Variants in CDK19 observed in about 807,000 individuals in gnomAD.
CDK19 encodes cyclin-dependent kinase 19.
Under a neutral mutation model 68.3 loss-of-function variants are expected in CDK19, and 20 were observed. The observed-to-expected ratio is 0.29, with a 90% confidence interval of 0.21 to 0.43. The LOEUF (loss-of-function observed/expected upper bound fraction) is 0.43. Among genes scored for constraint, CDK19 ranks in the 20% least tolerant of loss-of-function variants. The probability of loss-of-function intolerance (pLI) is 1.00; values close to 1 mark genes in which losing one functional copy is unlikely to be tolerated. For missense variants in CDK19, 339 were observed against 623.5 expected (o/e 0.54, Z 4.86); for synonymous variants, 221 against 222.8 (o/e 0.99, Z 0.07).
chr6:110,696,627 G>A (rs1773507424), intron 2 of CDK19, among the ~76,000 whole-genome samples: 3 of 152,174 alleles, frequency 2.0e-5, no homozygotes, highest in Admixed American at 1.3e-4. Flanking sequence ...TCCCAGATCT[G>A]ATAAATTCAC....
chr6:110,771,556 T>C (rs1780015572), intron 1 of CDK19, among the ~76,000 whole-genome samples: 1 of 152,192 alleles, frequency 6.6e-6, no homozygotes, highest in Non-Finnish European at 1.5e-5. Flanking sequence ...TGAAGATCTC[T>C]GACATGCTCT....
chr6:110,651,292 CTGT>C (rs1337598831), intron 4 of CDK19, among the ~76,000 whole-genome samples: 7 of 151,484 alleles, frequency 4.6e-5, no homozygotes, highest in African/African-American at 9.8e-5. Context: ...ATGTATCTGT[CTGT>C]CTAACTATCT....
intron 2 of CDK19, among the ~76,000 whole-genome samples, chr6:110,735,544 T>C (rs1777186308): frequency 6.6e-6 from 1 of 152,190 alleles, no homozygotes; most frequent in Admixed American, 6.6e-5. Flanking sequence ...TCCCCCATTT[T>C]AGACATGAAG....
chr6:110,803,576 TCAGAAAA>T (rs974118515), intron 1 of CDK19, among the ~76,000 whole-genome samples: 8 of 152,198 alleles, frequency 5.3e-5, no homozygotes, highest in African/African-American at 1.9e-4. Context: ...ATAAAACCTT[TCAGAAAA>T]CAGAAAAGTC....
intron 12 of CDK19, among the ~76,000 whole-genome samples, chr6:110,616,885 A>G (rs1778347330): frequency 6.6e-6 from 1 of 152,222 alleles, no homozygotes; most frequent in Admixed American, 6.5e-5. Flanking sequence ...ATGTGCTGTA[A>G]CATAGCTTTT....
chr6:110,806,420 T>C (rs1782689285), intron 1 of CDK19, among the ~76,000 whole-genome samples: 1 of 152,150 alleles, frequency 6.6e-6, no homozygotes, highest in Non-Finnish European at 1.5e-5. Flanking sequence ...AGTCTTCAGA[T>C]ATTTCTATCT....
chr6:110,665,704 A>G (rs1781879827), intron 4 of CDK19, among the ~76,000 whole-genome samples: 1 of 152,230 alleles, frequency 6.6e-6, no homozygotes, highest in Admixed American at 6.5e-5. Context: ...CGTTTATGAA[A>G]GAGTTCTTCT....
rs117240399 is a variant in CDK19, at chr6:110,707,990, T to C, written c.205-37449A>G. Among the ~76,000 whole-genome samples the C allele has an allele frequency of 2.4e-3, 369 of 152,160 alleles. 21 individuals are homozygous for C. In the East Asian group the frequency reaches 0.065, roughly 27 times the overall value. On this transcript the variant is annotated intron_variant, in intron 2 of 12. Coordinates refer to ENST00000368911, the MANE Select transcript of CDK19 (RefSeq NM_015076.5). The stretch of plus-strand genomic sequence containing the variant: ...ATGACTCAAAAATAAATAAATAGTA[T>C]GTTTATGTTACTCTAATATTATAGT...
chr6:110,626,981 T>A (rs2114668811), intron 7 of CDK19, 21 bp downstream of exon 7: 1 of 1,590,400 alleles, frequency 6.3e-7, no homozygotes, highest in South Asian at 1.2e-5. Flanking sequence ...AAATATGACT[T>A]TAAAAAGGAA....
intron 2 of CDK19, among the ~76,000 whole-genome samples, chr6:110,723,633 C>T (rs1776107980): frequency 6.6e-6 from 1 of 152,270 alleles, no homozygotes; most frequent in African/African-American, 2.4e-5. Flanking sequence ...CTTGTGTCCA[C>T]CACCAAAAGT....
At chr6:110,665,604 T>C (rs1360943128) in intron 4 of CDK19, among the ~76,000 whole-genome samples, 1 of 152,232 alleles carries the variant, frequency 6.6e-6, no homozygotes, top group Non-Finnish European at 1.5e-5. Flanking sequence ...AATAAAAGAT[T>C]CTGATCAATG....
chr6:110,782,176 G>A (rs952686326), intron 1 of CDK19, among the ~76,000 whole-genome samples: 12 of 152,170 alleles, frequency 7.9e-5, no homozygotes, highest in African/African-American at 2.7e-4. Context: ...AACACAGGAG[G>A]AAAATAAGAA....
At chr6:110,752,320 AT>A (rs1255010277) in intron 1 of CDK19, among the ~76,000 whole-genome samples, 1 of 152,214 alleles carries the variant, frequency 6.6e-6, no homozygotes, top group African/African-American at 2.4e-5. Context: ...TTTCTTAATT[AT>A]TTTGAAACAA....
At chr6:110,670,129 C>A (rs547449877) in intron 3 of CDK19, among the ~76,000 whole-genome samples, 1 of 152,184 alleles carries the variant, frequency 6.6e-6, no homozygotes, top group East Asian at 1.9e-4. Context: ...TGCACTCCAG[C>A]CTGGGCAACA....
chr6:110,786,160 A>C (rs1781209713), intron 1 of CDK19, among the ~76,000 whole-genome samples: 1 of 152,162 alleles, frequency 6.6e-6, no homozygotes, highest in Non-Finnish European at 1.5e-5. Context: ...AAGCAGCCTA[A>C]ATAATCAGAA....
chr6:110,736,584 G>A (rs1777269772), intron 2 of CDK19, among the ~76,000 whole-genome samples: 1 of 151,944 alleles, frequency 6.6e-6, no homozygotes, highest in African/African-American at 2.4e-5. Flanking sequence ...GAATTACTAA[G>A]TTTATGTTAA....
chr6:110,680,434 A>G (rs997433303), intron 2 of CDK19, among the ~76,000 whole-genome samples: 12 of 152,224 alleles, frequency 7.9e-5, no homozygotes, highest in African/African-American at 2.4e-4. Context: ...GTCCAAGGCC[A>G]GTTTACTAAG....
chr6:110,709,313 G>A (rs937070849), intron 2 of CDK19, among the ~76,000 whole-genome samples: 4 of 152,062 alleles, frequency 2.6e-5, no homozygotes, highest in African/African-American at 9.7e-5. Flanking sequence ...GTGATATACA[G>A]ATGAATGGAA....
intron 1 of CDK19, among the ~76,000 whole-genome samples, chr6:110,750,419 G>C (rs1778397903): frequency 6.6e-6 from 1 of 152,094 alleles, no homozygotes; most frequent in Admixed American, 6.5e-5. Flanking sequence ...GAGAAAAGAA[G>C]GGACACCTGT....
Sources: gnomAD v4.1 joint callset for allele counts (sites outside exome capture counted in the v4.1 genomes callset) on GRCh38, gnomAD v4.1.1 for gene constraint, MANE v1.5 for transcripts, NCBI Gene and HGNC (gene_info 2026-07-23, HGNC 2026-07-21) for gene names.